The following CNTN5 variants were observed in gnomAD, a reference collection of about 807,000 sequenced individuals.
CNTN5 encodes contactin 5, also known as contactin-5.
CNTN5 carries 77 observed loss-of-function variants against 129.1 expected under a neutral mutation model. That is an observed-to-expected ratio of 0.60 (90% CI 0.50 to 0.72). CNTN5 has a LOEUF of 0.72. Ranked by LOEUF, CNTN5 falls within the 30% of genes least tolerant of loss-of-function variation. CNTN5 has a pLI of 0.00. For missense variants in CNTN5, 1,478 were observed against 1,328.8 expected (o/e 1.11, Z -1.75); for synonymous variants, 509 against 465.6 (o/e 1.09, Z -1.20).
chr11:99,805,229 C>T (rs1946231599), intron 3 of CNTN5, among the ~76,000 whole-genome samples: 1 of 152,054 alleles, frequency 6.6e-6, no homozygotes. Flanking sequence ...ATTAGGAAAA[C>T]ATAGTTAACT....
intron 18 of CNTN5, among the ~76,000 whole-genome samples, chr11:100,286,987 A>C (rs951746296): frequency 6.6e-6 from 1 of 152,184 alleles, no homozygotes; most frequent in Non-Finnish European, 1.5e-5. Context: ...GATGTGATCA[A>C]CTGGAAGAAA....
At chr11:99,566,243 G>T (rs1949002934) in intron 3 of CNTN5, among the ~76,000 whole-genome samples, 1 of 151,956 alleles carries the variant, frequency 6.6e-6, no homozygotes, top group Non-Finnish European at 1.5e-5. Flanking sequence ...CCTCACTATT[G>T]CTTGCTCCTG....
At chr11:100,019,805 C>A (rs1200635077) in intron 9 of CNTN5, among the ~76,000 whole-genome samples, 3 of 151,878 alleles carry the variant, frequency 2.0e-5, no homozygotes, top group African/African-American at 7.2e-5. Flanking sequence ...ATGTCCACCA[C>A]CAATTTATAA....
chr11:100,281,114 G>A (rs1950626330), intron 18 of CNTN5, among the ~76,000 whole-genome samples: 1 of 152,114 alleles, frequency 6.6e-6, no homozygotes, highest in Non-Finnish European at 1.5e-5. Flanking sequence ...TAGGATAAGA[G>A]TAGTTTATAC....
intron 1 of CNTN5, among the ~76,000 whole-genome samples, chr11:99,319,035 A>T (rs528711275): frequency 6.6e-6 from 1 of 152,270 alleles, no homozygotes; most frequent in Non-Finnish European, 1.5e-5. Flanking sequence ...GCTATTCCAG[A>T]TTCTAACATT....
intron 2 of CNTN5, among the ~76,000 whole-genome samples, chr11:99,361,742 C>T (rs79837751): frequency 0.015 from 2,246 of 152,156 alleles, 40 homozygotes; most frequent in African/African-American, 0.05. Context: ...CACACACTAG[C>T]TTTTCTTTTG....
At chr11:100,067,296 G>GTGTGTGTCTGTGTGCATGTT (rs1943734843) in intron 10 of CNTN5, among the ~76,000 whole-genome samples, 2 of 152,000 alleles carry the variant, frequency 1.3e-5, no homozygotes, top group African/African-American at 4.8e-5. Context: ...TTCCACTTGT[G>GTGTGTGTCTGTGTGCATGTT]TGTGTGTCTG....
At chr11:99,842,532 G>A (rs552025957) in intron 4 of CNTN5, among the ~76,000 whole-genome samples, 1 of 152,246 alleles carries the variant, frequency 6.6e-6, no homozygotes, top group South Asian at 2.1e-4. Context: ...ACTACTACTA[G>A]AATTTGAACT....
intron 2 of CNTN5, among the ~76,000 whole-genome samples, chr11:99,402,140 AT>A (rs1366834945): frequency 6.6e-6 from 1 of 152,142 alleles, no homozygotes; most frequent in African/African-American, 2.4e-5. Flanking sequence ...GATTGTTGTC[AT>A]GTTCCAGATC....
chr11:99,269,287 A>G (rs1337539035), intron 1 of CNTN5, among the ~76,000 whole-genome samples: 1 of 151,320 alleles, frequency 6.6e-6, no homozygotes, highest in East Asian at 1.9e-4. Flanking sequence ...TTTATGTTAC[A>G]TTTTATTACT....
At chr11:100,085,879 A>G (rs1944532228) in intron 13 of CNTN5, among the ~76,000 whole-genome samples, 1 of 152,166 alleles carries the variant, frequency 6.6e-6, no homozygotes, top group Non-Finnish European at 1.5e-5. Context: ...ATCTAGATAA[A>G]AGATAAGCTT....
intron 3 of CNTN5, among the ~76,000 whole-genome samples, chr11:99,748,892 G>C (rs545824347): frequency 3.6e-4 from 55 of 152,274 alleles, no homozygotes; most frequent in African/African-American, 1.3e-3. Context: ...GACATGCCTA[G>C]AGATAATATT....
rs149839553 is a variant in CNTN5, at chr11:99,335,656, C to T, written c.-71+10172C>T. 5.7e-4 allele frequency among the ~76,000 whole-genome samples: 86 copies of T among 152,192 alleles called. 1 individual carries two copies. Among genetic ancestry groups the T allele is most frequent in the African/African-American group, 2.0e-3 (84 of 41,536 alleles). ...CTTCCCTCTGAGGTTTCATACAAAA[C>T]ATACCTCAGAATTCTCACAATGATA... On this transcript the variant is annotated intron_variant, in intron 2 of 24. Transcript: ENST00000524871.
rs1353298053 is a variant in CNTN5, at chr11:99,236,339, CA to C, written c.-209-89006del. 3.9e-5 allele frequency among the ~76,000 whole-genome samples: 6 copies of C among 152,034 alleles called. No individual in the cohort carries two copies. The East Asian group carries it at 1.2e-3, about 29-fold the overall frequency. On this transcript the variant is annotated intron_variant, in intron 1 of 24. Transcript: ENST00000524871. The stretch of plus-strand genomic sequence containing the variant: ...GTACCAATGTATAGATAAGTTTTAT[CA>C]GATGAAATGCCAAAAACAATGAAGA...
chr11:99,202,153 G>A (rs530753273), intron 1 of CNTN5, among the ~76,000 whole-genome samples: 1 of 152,032 alleles, frequency 6.6e-6, no homozygotes, highest in African/African-American at 2.4e-5. Context: ...TATTTCCTTT[G>A]ACAAATAGTT....
chr11:100,225,779 A>T (rs1253925666), intron 16 of CNTN5, among the ~76,000 whole-genome samples: 2 of 152,114 alleles, frequency 1.3e-5, no homozygotes. Flanking sequence ...TAAAAACATT[A>T]TCATCTATAG....
intron 1 of CNTN5, among the ~76,000 whole-genome samples, chr11:99,304,090 G>C (rs973107092): frequency 1.3e-5 from 2 of 152,090 alleles, no homozygotes; most frequent in Admixed American, 6.5e-5. Context: ...CTAAATGACA[G>C]TTTTTCTTGA....
intron 1 of CNTN5, among the ~76,000 whole-genome samples, chr11:99,251,985 A>G (rs969010210): frequency 6.6e-6 from 1 of 151,990 alleles, no homozygotes; most frequent in Non-Finnish European, 1.5e-5. Flanking sequence ...ACTTTGATTT[A>G]CATTTCTTTC....
At chr11:100,293,324 A>T (rs1193813012) in intron 18 of CNTN5, among the ~76,000 whole-genome samples, 1 of 151,726 alleles carries the variant, frequency 6.6e-6, no homozygotes, top group African/African-American at 2.4e-5. Context: ...TATCCTAGCA[A>T]TCTCTTTCAG....
Sources: gnomAD v4.1 joint callset for allele counts (sites outside exome capture counted in the v4.1 genomes callset) on GRCh38, gnomAD v4.1.1 for gene constraint, MANE v1.5 for transcripts, NCBI Gene and HGNC (gene_info 2026-07-23, HGNC 2026-07-21) for gene names.